Variants in TFAP2C observed in about 807,000 individuals in gnomAD.
TFAP2C encodes the protein activating enhancer-binding protein 2 gamma.
TFAP2C carries 9 observed loss-of-function variants against 42.9 expected under a neutral mutation model. The observed-to-expected ratio is 0.21, with a 90% CI of 0.13 to 0.37. The LOEUF (loss-of-function observed/expected upper bound fraction) is 0.37. TFAP2C is among the 10% of genes least tolerant of loss of function. The pLI, the probability that TFAP2C is intolerant of heterozygous loss-of-function variation, is 1.00. For missense variants in TFAP2C, 462 were observed against 591.7 expected (o/e 0.78, Z 2.27); for synonymous variants, 264 against 256.0 (o/e 1.03, Z -0.30).
chr20:56,630,848 T>A lies in TFAP2C; in HGVS notation c.49-357T>A. Reference sequence around the variant, plus strand: ...GGCGTCCGGCTCCTTCGCCCCGGGCTCTGGCTCCTTCGCCCCGGGCTCCGG... The same window carrying A: ...GGCGTCCGGCTCCTTCGCCCCGGGCACTGGCTCCTTCGCCCCGGGCTCCGG... On this transcript the variant is annotated intron_variant, in intron 1 of 6. Transcript: ENST00000201031. This position sits in a 1 kb window ranked among gnomAD's most constrained non-coding sequence, Gnocchi z 5.1. 2.0e-6 allele frequency: 2 copies of A among 984,074 alleles called. No individual in the cohort carries two copies. The highest frequency in any genetic ancestry group is 2.4e-6 in the Non-Finnish European group (2 of 829,496). The allele number at this position is 984,074 out of a possible 1,614,324, so 61.0% of individuals were successfully genotyped here. A position where few individuals can be genotyped will look rare whatever the true frequency, so the allele number is the denominator to read the frequency against.
In TFAP2C at chr20:56,629,609, G is replaced by T; in HGVS notation, c.48+17G>T. 1 of 1,407,402 alleles carries T rather than the reference G, an allele frequency of 7.1e-7. No individual in the cohort carries two copies. The allele number at this position is 1,407,402 out of a possible 1,614,324, so 87.2% of individuals were successfully genotyped here. A position where few individuals can be genotyped will look rare whatever the true frequency, so the allele number is the denominator to read the frequency against. On this transcript the variant is annotated intron_variant, in intron 1 of 6. Transcript: ENST00000201031. The surrounding 1 kb of genome is among the most constrained non-coding windows in gnomAD (Gnocchi z 5.9). Reference sequence around the variant, plus strand: ...GACTGCGAGGTGAGCTGGGGCTCCGGGGTGCAGCCCCGCCCCGCCGAGGAC... The same window carrying T: ...GACTGCGAGGTGAGCTGGGGCTCCGTGGTGCAGCCCCGCCCCGCCGAGGAC...
chr20:56,631,555 G>C lies in TFAP2C; in HGVS notation c.399G>C (p.Ala133=). ...GLLPHLSGLE[A]GAVSARRDAY... ...TGCCCCACCTCTCCGGGCTGGAGGC[G>C]GGCGCGGTGAGCGCCCGCAGGGATG... is the stretch of plus-strand genomic sequence containing the variant. Residue 133 remains alanine, a synonymous_variant, in exon 2 of 7, where the codon GCG becomes GCC. Coordinates refer to ENST00000201031, the MANE Select transcript of TFAP2C (RefSeq NM_003222.4). This position sits in a 1 kb window ranked among gnomAD's most constrained non-coding sequence, Gnocchi z 6.1. 6.5e-7 allele frequency: 1 copy of C among 1,530,504 alleles called. No homozygotes were observed. The highest frequency in any genetic ancestry group is 8.7e-7 in the Non-Finnish European group (1 of 1,145,390). The allele number at this position is 1,530,504 out of a possible 1,614,324, so 94.8% of individuals were successfully genotyped here.
Position 56,631,821 on chromosome 20 carries a change from A to T in TFAP2C, c.551A>T (p.His184Leu), listed in dbSNP as rs771333191. Reference sequence around the variant, plus strand: ...CTCCCCCAGAATGTCGACGACCAGCACCTGTTGCTGCACGATCAGACAGTC... The same window carrying T: ...CTCCCCCAGAATGTCGACGACCAGCTCCTGTTGCTGCACGATCAGACAGTC... ...MDEVQNVDDQ[H>L]LLLHDQTVIR... is the part of the protein sequence containing the mutation. The change falls in exon 3 of 7, where the codon CAC (histidine) becomes CTC (leucine). Residue 184 changes from histidine (H) to leucine (L), a missense_variant. By Grantham distance (99) the His-to-Leu change is moderately conservative. Around this residue, in one of 5 missense-constraint regions of TFAP2C, gnomAD observed 271 missense variants for 269.7 expected, o/e 1.00. Transcript: ENST00000201031. The surrounding 1 kb of genome is among the most constrained non-coding windows in gnomAD (Gnocchi z 6.1). 6.2e-7 allele frequency: 1 copy of T among 1,614,192 alleles called. No homozygotes were observed. The highest frequency in any genetic ancestry group is 1.7e-5 in the Admixed American group (1 of 60,028).
Position 56,629,577 on chromosome 20 carries a change from C to T in TFAP2C, c.33C>T (p.Tyr11=), listed in dbSNP as rs1259520582. ...GGAAAATAACCGATAATGTCAAGTA[C>T]GAAGAGGACTGCGAGGTGAGCTGGG... MLWKITDNVK[Y]EEDCEDRHDG... Residue 11 remains tyrosine, a synonymous_variant, in exon 1 of 7, where the codon TAC becomes TAT. Coordinates refer to ENST00000201031, the MANE Select transcript of TFAP2C (RefSeq NM_003222.4). This position sits in a 1 kb window ranked among gnomAD's most constrained non-coding sequence, Gnocchi z 5.9. 7.0e-7 allele frequency: 1 copy of T among 1,424,132 alleles called. No homozygotes were observed. The allele number at this position is 1,424,132 out of a possible 1,614,324, so 88.2% of individuals were successfully genotyped here. A position where few individuals can be genotyped will look rare whatever the true frequency, so the allele number is the denominator to read the frequency against.
chr20:56,637,114 A>T (rs1987597255), intron 6 of TFAP2C, among the ~76,000 whole-genome samples: 1 of 152,244 alleles, frequency 6.6e-6, no homozygotes, highest in African/African-American at 2.4e-5. Context: ...ACCTCCTGAT[A>T]GCAAGACTTT....
At position 56,638,997 on chromosome 20, in the gene TFAP2C, A is replaced by G. The variant is rs1600900880; in HGVS notation, c.*984A>G. 6.6e-6 allele frequency: 1 copy of G among 152,648 alleles called. No individual in the cohort carries two copies. Among genetic ancestry groups the G allele is most frequent in the African/African-American group, 2.4e-5 (1 of 41,458 alleles). 9.5% of individuals were successfully genotyped at this position (152,648 alleles called of 1,614,324 possible). ...ACTTTTAATGGTGATGGGGTAATCT[A>G]TAACACATCATAAGGTTTTATTCAT... On this transcript the variant is annotated 3_prime_UTR_variant, in exon 7 of 7. Coordinates refer to ENST00000201031, the MANE Select transcript of TFAP2C (RefSeq NM_003222.4).
intron 3 of TFAP2C, 117 bp from the exon 4 acceptor site, chr20:56,633,235 TG>T (rs2146447615): frequency 4.2e-6 from 3 of 710,040 alleles, no homozygotes; most frequent in East Asian, 5.2e-5. Flanking sequence ...CAGTTGATCG[TG>T]GGGTGTGCAA....
Position 56,638,157 on chromosome 20 carries a change from G to T in TFAP2C, c.*144G>T. On this transcript the variant is annotated 3_prime_UTR_variant, in exon 7 of 7. Coordinates refer to ENST00000201031, the MANE Select transcript of TFAP2C (RefSeq NM_003222.4). ...TATTTAAAGAGCCTTCACTGGTTCT[G>T]CATCACCCGCCCCTGGACTTCTTAG... The T allele has an allele frequency of 1.4e-6, 1 of 704,488 alleles. No individual in the cohort carries two copies. Among genetic ancestry groups the T allele is most frequent in the Non-Finnish European group, 2.3e-6 (1 of 432,532 alleles). 43.6% of individuals were successfully genotyped at this position (704,488 alleles called of 1,614,324 possible).
At position 56,630,893 on chromosome 20, in the gene TFAP2C, A is replaced by T. The variant is rs1987475959; in HGVS notation, c.49-312A>T. 1 of 985,066 alleles carries T rather than the reference A, an allele frequency of 1.0e-6. No individual in the cohort carries two copies. Among genetic ancestry groups the T allele is most frequent in the African/African-American group, 1.7e-5 (1 of 57,162 alleles). The allele number at this position is 985,066 out of a possible 1,614,324, so 61.0% of individuals were successfully genotyped here. ...CTCCGGCCACGGACTTTTCTGGCCC[A>T]AGACCCAGGGTTCGGACTTGGCGCC... is the stretch of plus-strand genomic sequence containing the variant. On this transcript the variant is annotated intron_variant, in intron 1 of 6. Transcript: ENST00000201031. The surrounding 1 kb of genome is among the most constrained non-coding windows in gnomAD (Gnocchi z 5.1).
intron 4 of TFAP2C, 125 bp downstream of exon 4, chr20:56,633,694 G>A: frequency 1.4e-6 from 1 of 725,344 alleles, no homozygotes; most frequent in Non-Finnish European, 2.3e-6. Context: ...TCGGGTTAGA[G>A]TTTTAGTACA....
rs1987629508 is a variant in TFAP2C, at chr20:56,638,549, C to T, written c.*536C>T. The stretch of plus-strand genomic sequence containing the variant: ...GGAGGCAAAGGTTCTATCTGCTTAG[C>T]AACTAGTTAATAAGTGGTATCTGAC... On this transcript the variant is annotated 3_prime_UTR_variant, in exon 7 of 7. Transcript: ENST00000201031. 1 of 153,682 alleles carries T rather than the reference C, an allele frequency of 6.5e-6. No homozygotes were observed. The allele number at this position is 153,682 out of a possible 1,614,324, so 9.5% of individuals were successfully genotyped here.
chr20:56,629,425 G>T lies in TFAP2C; in HGVS notation c.-120G>T. The T allele has an allele frequency of 2.3e-6, 2 of 883,930 alleles. No individual in the cohort carries two copies. The highest frequency in any genetic ancestry group is 6.0e-5 in the East Asian group (2 of 33,584). 54.8% of individuals were successfully genotyped at this position (883,930 alleles called of 1,614,324 possible). Reference sequence around the variant, plus strand: ...TCCAGTGACCCGGACAGCAAGGCCCGCGCGCGGCGGGGGCGGCGGCAGACG... The same window carrying T: ...TCCAGTGACCCGGACAGCAAGGCCCTCGCGCGGCGGGGGCGGCGGCAGACG... On this transcript the variant is annotated 5_prime_UTR_variant, in exon 1 of 7. Coordinates refer to ENST00000201031, the MANE Select transcript of TFAP2C (RefSeq NM_003222.4). This position sits in a 1 kb window ranked among gnomAD's most constrained non-coding sequence, Gnocchi z 5.9.
chr20:56,630,195 G>T lies in TFAP2C; in HGVS notation c.48+603G>T, dbSNP rs972367301. The T allele has an allele frequency of 3.6e-6, 1 of 280,332 alleles. No individual in the cohort carries two copies. The highest frequency in any genetic ancestry group is 2.7e-5 in the South Asian group (1 of 36,378). 17.4% of individuals were successfully genotyped at this position (280,332 alleles called of 1,614,324 possible). ...GGAGAGTGGGAGGGAAGAAGGAGGCGGCGAGCGGGAAGAGGAAGAAGACGC... is the reference window on the plus strand; with the variant it reads ...GGAGAGTGGGAGGGAAGAAGGAGGCTGCGAGCGGGAAGAGGAAGAAGACGC... On this transcript the variant is annotated intron_variant, in intron 1 of 6. Transcript: ENST00000201031. The surrounding 1 kb of genome is among the most constrained non-coding windows in gnomAD (Gnocchi z 5.1).
intron 5 of TFAP2C, among the ~76,000 whole-genome samples, chr20:56,636,351 A>G (rs1987582263): frequency 6.6e-6 from 1 of 152,130 alleles, no homozygotes; most frequent in Non-Finnish European, 1.5e-5. Context: ...ATGTGGCAAA[A>G]CCCTGTATCT....
Position 56,631,126 on chromosome 20 carries a change from G to A in TFAP2C, c.49-79G>A. 1 of 1,464,086 alleles carries A rather than the reference G, an allele frequency of 6.8e-7. No individual in the cohort carries two copies. The highest frequency in any genetic ancestry group is 9.0e-7 in the Non-Finnish European group (1 of 1,113,420). 90.7% of individuals were successfully genotyped at this position (1,464,086 alleles called of 1,614,324 possible). On this transcript the variant is annotated intron_variant, in intron 1 of 6. Transcript: ENST00000201031. This position sits in a 1 kb window ranked among gnomAD's most constrained non-coding sequence, Gnocchi z 6.1. ...CGGTTGGTCCCCCGGGGCCCTCTGC[G>A]TAGCCCGGCGATGCCGGCCAGTTCG...
intron 5 of TFAP2C, among the ~76,000 whole-genome samples, chr20:56,635,357 C>G (rs1322214738): frequency 1.1e-4 from 17 of 152,058 alleles, no homozygotes; most frequent in Non-Finnish European, 2.4e-4. Flanking sequence ...TGGGTTTTTG[C>G]AAAGCTCACC....
Position 56,631,511 on chromosome 20 carries a change from G to C in TFAP2C, c.355G>C (p.Gly119Arg), listed in dbSNP as rs1469108145. 1.3e-5 allele frequency: 19 copies of C among 1,503,330 alleles called. No homozygotes were observed. Among genetic ancestry groups the C allele is most frequent in the Non-Finnish European group, 1.6e-5 (18 of 1,134,182 alleles). The allele number at this position is 1,503,330 out of a possible 1,614,324, so 93.1% of individuals were successfully genotyped here. ...GGGAGCGGGGCTGCCCTCGCACCACGGGCGCCCGGCCGGCCTACTGCCCCA... is the reference window on the plus strand; with the variant it reads ...GGGAGCGGGGCTGCCCTCGCACCACCGGCGCCCGGCCGGCCTACTGCCCCA... Reference protein sequence around the residue: ...QEGAGLPSHHGRPAGLLPHLS... With the variant: ...QEGAGLPSHHRRPAGLLPHLS... The change falls in exon 2 of 7, where the codon GGG becomes CGG. Residue 119 changes from glycine (G) to arginine (R), a missense_variant. Around this residue, in one of 5 missense-constraint regions of TFAP2C, gnomAD observed 271 missense variants for 269.7 expected, o/e 1.00. Transcript: ENST00000201031. The surrounding 1 kb of genome is among the most constrained non-coding windows in gnomAD (Gnocchi z 6.1).
chr20:56,636,512 C>G, intron 5 of TFAP2C, 98 bp from the exon 6 acceptor site: 1 of 1,335,978 alleles, frequency 7.5e-7, no homozygotes, highest in Non-Finnish European at 1.0e-6. Context: ...GGCAACAGAG[C>G]GAGACTCCGT....
Position 56,631,013 on chromosome 20 carries a change from C to T in TFAP2C, c.49-192C>T. 1 of 985,414 alleles carries T rather than the reference C, an allele frequency of 1.0e-6. No individual in the cohort carries two copies. The highest frequency in any genetic ancestry group is 1.2e-6 in the Non-Finnish European group (1 of 829,904). 61.0% of individuals were successfully genotyped at this position (985,414 alleles called of 1,614,324 possible). Reference sequence around the variant, plus strand: ...GGTCTTTCACCAGACTCTCCTCCCTCCCCGCACTCTTTGCTTACAACGAAA... The same window carrying T: ...GGTCTTTCACCAGACTCTCCTCCCTTCCCGCACTCTTTGCTTACAACGAAA... On this transcript the variant is annotated intron_variant, in intron 1 of 6. Coordinates refer to ENST00000201031, the MANE Select transcript of TFAP2C (RefSeq NM_003222.4). This position sits in a 1 kb window ranked among gnomAD's most constrained non-coding sequence, Gnocchi z 6.1.
Sources: allele counts gnomAD v4.1 joint callset (sites outside exome capture counted in the v4.1 genomes callset), GRCh38; gene constraint gnomAD v4.1.1; regional missense constraint gnomAD v4.1.1; non-coding constraint Gnocchi (gnomAD v3.1); transcripts MANE v1.5; gene names NCBI Gene and HGNC (gene_info 2026-07-23, HGNC 2026-07-21).